Variants in PDE3A observed in about 807,000 individuals in gnomAD.
PDE3A encodes phosphodiesterase 3A, also known as cGMP-inhibited 3',5'-cyclic phosphodiesterase 3A.
PDE3A carries 43 observed loss-of-function variants against 98.3 expected under a neutral mutation model. The ratio of observed to expected loss-of-function variants is 0.44; its 90% CI spans 0.34 to 0.56. The LOEUF (loss-of-function observed/expected upper bound fraction) is 0.56. Ranked by LOEUF, PDE3A falls within the 20% of genes least tolerant of loss-of-function variation. The pLI is 0.01. For missense variants in PDE3A, 1,427 were observed against 1,440.7 expected (o/e 0.99, Z 0.15); for synonymous variants, 663 against 567.9 (o/e 1.17, Z -2.38).
chr12:20,636,344 C>A (rs76543675), intron 8 of PDE3A, among the ~76,000 whole-genome samples: 6,366 of 152,234 alleles, frequency 0.042, 166 homozygotes, highest in Non-Finnish European at 0.06. Flanking sequence ...TTTTCTTTTA[C>A]TGTATTTACT....
At chr12:20,371,319 T>C (rs897757690) in intron 1 of PDE3A, 11 of 983,190 alleles carry the variant, frequency 1.1e-5, no homozygotes, top group Non-Finnish European at 1.3e-5. Flanking sequence ...GAAGCAGATT[T>C]GTTCACCTCT....
chr12:20,542,298 A>C (rs546654707), intron 1 of PDE3A, among the ~76,000 whole-genome samples: 4 of 152,078 alleles, frequency 2.6e-5, no homozygotes, highest in African/African-American at 9.7e-5. Flanking sequence ...AATGAATTCA[A>C]TGTTTTAAGT....
In PDE3A at chr12:20,566,921, C is replaced by G. The variant is rs562670998; in HGVS notation, c.1011+10211C>G. Among the ~76,000 whole-genome samples, 53 of 151,996 alleles carry G rather than the reference C, an allele frequency of 3.5e-4. No homozygotes were observed. In the South Asian group the frequency reaches 8.5e-3, roughly 24 times the overall value. On this transcript the variant is annotated intron_variant, in intron 2 of 15. Coordinates refer to ENST00000359062, the MANE Select transcript of PDE3A (RefSeq NM_000921.5). ...TGACTTAGTGCCATAACTTTGGTGA[C>G]ATTTCTCTTCTGGTGCCTCAAAAAT...
chr12:20,511,306 T>C (rs1049364141), intron 1 of PDE3A, among the ~76,000 whole-genome samples: 1 of 151,904 alleles, frequency 6.6e-6, no homozygotes, highest in Non-Finnish European at 1.5e-5. Context: ...CCTTTGCAAA[T>C]TGAAGGAACC....
intron 1 of PDE3A, among the ~76,000 whole-genome samples, chr12:20,402,242 C>T (rs574682415): frequency 5.3e-5 from 8 of 152,020 alleles, no homozygotes; most frequent in Non-Finnish European, 7.4e-5. Context: ...CTCCGCCTCC[C>T]GGGTCAAGCA....
intron 1 of PDE3A, among the ~76,000 whole-genome samples, chr12:20,516,225 G>A (rs1486342569): frequency 6.6e-6 from 1 of 152,094 alleles, no homozygotes; most frequent in Admixed American, 6.5e-5. Flanking sequence ...TGGATTTTGA[G>A]TATTCATTTT....
At chr12:20,395,346 A>G (rs1943990103) in intron 1 of PDE3A, among the ~76,000 whole-genome samples, 1 of 151,832 alleles carries the variant, frequency 6.6e-6, no homozygotes, top group Admixed American at 6.6e-5. Flanking sequence ...GTAGCATAGT[A>G]TTTATATGGT....
In PDE3A at chr12:20,687,937, A is replaced by AAAG. The variant is rs1946021451; in HGVS notation, c.*7666_*7667insAAG. Among the ~76,000 whole-genome samples, 3 of 147,590 alleles carry AAAG rather than the reference A, an allele frequency of 2.0e-5. No homozygotes were observed. The highest frequency in any genetic ancestry group is 3.9e-4 in the East Asian group (2 of 5,078). On this transcript the variant is annotated 3_prime_UTR_variant, in exon 16 of 16. Coordinates refer to ENST00000359062, the MANE Select transcript of PDE3A (RefSeq NM_000921.5). ...CAGAAAAAAAAAAAAAAAAAAAAAA[A>AAAG]CTGGCATTGGCAAGTTTTAATTAAT...
intron 1 of PDE3A, among the ~76,000 whole-genome samples, chr12:20,428,903 T>C (rs999997947): frequency 3.9e-5 from 6 of 152,162 alleles, no homozygotes; most frequent in Admixed American, 3.9e-4. Context: ...TTTGACAAGA[T>C]CCATCAAAAA....
intron 1 of PDE3A, among the ~76,000 whole-genome samples, chr12:20,395,962 C>T (rs912725583): frequency 2.6e-5 from 4 of 151,978 alleles, no homozygotes; most frequent in Non-Finnish European, 4.4e-5. Flanking sequence ...GTGGCATGAT[C>T]ATAGCTCACT....
intron 1 of PDE3A, among the ~76,000 whole-genome samples, chr12:20,443,680 G>A (rs1346601051): frequency 6.6e-6 from 1 of 151,884 alleles, no homozygotes; most frequent in Admixed American, 6.6e-5. Context: ...ATAAACAGAG[G>A]CATTAGCATA....
At chr12:20,414,161 G>A (rs1292312452) in intron 1 of PDE3A, among the ~76,000 whole-genome samples, 1 of 152,200 alleles carries the variant, frequency 6.6e-6, no homozygotes, top group African/African-American at 2.4e-5. Context: ...TTATGTATAC[G>A]TATATTTGAT....
chr12:20,594,458 T>C (rs1943417420), intron 2 of PDE3A, among the ~76,000 whole-genome samples: 1 of 151,918 alleles, frequency 6.6e-6, no homozygotes, highest in South Asian at 2.1e-4. Flanking sequence ...CAATAAAGAT[T>C]GGATAGCTTA....
At chr12:20,613,788 T>G in intron 3 of PDE3A, 88 bp downstream of exon 3, 1 of 960,358 alleles carries the variant, frequency 1.0e-6, no homozygotes, top group Admixed American at 2.1e-5. Flanking sequence ...CAACTCCATC[T>G]GCAGATTCAT....
chr12:20,412,724 T>C (rs770091119), intron 1 of PDE3A, among the ~76,000 whole-genome samples: 12 of 152,182 alleles, frequency 7.9e-5, no homozygotes, highest in Non-Finnish European at 2.9e-5. Flanking sequence ...TTTCCTTAAC[T>C]CTCCTTATCT....
intron 1 of PDE3A, among the ~76,000 whole-genome samples, chr12:20,507,081 G>A (rs79939970): frequency 2.4e-4 from 37 of 151,898 alleles, no homozygotes; most frequent in African/African-American, 7.7e-4. Flanking sequence ...TGATCCGGGG[G>A]GTAATTGTGC....
chr12:20,480,782 A>C (rs978156566), intron 1 of PDE3A, among the ~76,000 whole-genome samples: 1 of 152,218 alleles, frequency 6.6e-6, no homozygotes, highest in African/African-American at 2.4e-5. Flanking sequence ...TTTTTCCACT[A>C]TCTTTTCACA....
At chr12:20,670,111 A>G (rs544173873) in intron 15 of PDE3A, among the ~76,000 whole-genome samples, 124 of 150,324 alleles carry the variant, frequency 8.2e-4, no homozygotes, top group African/African-American at 2.8e-3. Flanking sequence ...AGGCCATTAC[A>G]TAATGGTAAA....
At chr12:20,485,387 A>T (rs1945708759) in intron 1 of PDE3A, among the ~76,000 whole-genome samples, 1 of 152,080 alleles carries the variant, frequency 6.6e-6, no homozygotes, top group Non-Finnish European at 1.5e-5. Flanking sequence ...CAATGACCCT[A>T]TTTTCAAATA....
Sources: allele counts gnomAD v4.1 joint callset (sites outside exome capture counted in the v4.1 genomes callset), GRCh38; gene constraint gnomAD v4.1.1; transcripts MANE v1.5; gene names NCBI Gene and HGNC (gene_info 2026-07-23, HGNC 2026-07-21).